VAV2: variants seen among roughly 807,000 people sequenced by gnomAD.
VAV2 encodes the protein vav guanine nucleotide exchange factor 2, also known as guanine nucleotide exchange factor VAV2.
A neutral mutation model predicts 132.5 loss-of-function variants in VAV2; 67 were observed. The ratio of observed to expected loss-of-function variants is 0.51; its 90% confidence interval spans 0.42 to 0.62. VAV2 has a LOEUF of 0.62. VAV2 is among the 20% of genes least tolerant of loss of function. The pLI is 0.00. For synonymous variants in VAV2, 492 were observed against 443.5 expected, an observed-to-expected ratio of 1.11 and a Z score of -1.37; for missense variants, 938 against 1,153.6, an observed-to-expected ratio of 0.81 and a Z score of 2.71.
At chr9:133,868,698 G>C (rs1199503974) in intron 2 of VAV2, among the ~76,000 whole-genome samples, 1 of 152,232 alleles carries the variant, frequency 6.6e-6, no homozygotes, top group East Asian at 1.9e-4. Flanking sequence ...AACCCCTGAA[G>C]GGTCCCGCCA....
chr9:133,895,092 C>G (rs981163732), intron 2 of VAV2, among the ~76,000 whole-genome samples: 1 of 151,848 alleles, frequency 6.6e-6, no homozygotes, highest in Non-Finnish European at 1.5e-5. Context: ...GCCGAGGCAC[C>G]GAGGGCCGCC....
At chr9:133,922,351 G>A (rs1196287275) in intron 2 of VAV2, among the ~76,000 whole-genome samples, 2 of 152,244 alleles carry the variant, frequency 1.3e-5, no homozygotes, top group African/African-American at 4.8e-5. Flanking sequence ...CAAGGGGCCT[G>A]GTGATGATGA....
intron 1 of VAV2, among the ~76,000 whole-genome samples, chr9:133,981,599 G>A (rs1035133674): frequency 2.6e-5 from 4 of 152,230 alleles, no homozygotes; most frequent in Non-Finnish European, 4.4e-5. Flanking sequence ...CTGGGCGCCA[G>A]ACACACACTT....
intron 2 of VAV2, among the ~76,000 whole-genome samples, chr9:133,938,482 G>T (rs1564481688): frequency 1.5e-5 from 2 of 137,256 alleles, no homozygotes; most frequent in Admixed American, 1.5e-4. Context: ...CAGCCTCAGG[G>T]TCCCCTCATG....
rs1843050589 is a variant in VAV2 at position 133,992,250 on chromosome 9, C to T, written c.29G>A (p.Trp10Ter). 12 of 1,575,376 alleles carry T rather than the reference C, an allele frequency of 7.6e-6. No individual in the cohort carries two copies. The highest frequency in any genetic ancestry group is 1.0e-5 in the Non-Finnish European group (12 of 1,161,836). MEQWRQCGR[W>*]LIDCKVLPPN... ...CGGCAGGACCTTGCAATCGATGAGC[C>T]AGCGGCCGCACTGCCGCCACTGCTC... Residue 10 changes from tryptophan to a stop codon, truncating the protein, a stop_gained, in exon 1 of 30, where the codon TGG (tryptophan) becomes TAG (stop). Coordinates refer to ENST00000371850, the MANE Select transcript of VAV2 (RefSeq NM_001134398.2). LOFTEE classifies it high-confidence loss of function. This position sits in a 1 kb window ranked among gnomAD's most constrained non-coding sequence, Gnocchi z 5.5.
chr9:133,928,958 T>C lies in VAV2; in HGVS notation c.321+10145A>G, dbSNP rs1588384249. Among the ~76,000 whole-genome samples the C allele has an allele frequency of 6.6e-6, 1 of 152,042 alleles. No individual in the cohort carries two copies. Among genetic ancestry groups the C allele is most frequent in the Non-Finnish European group, 1.5e-5 (1 of 68,028 alleles). ...CACCCACGTGCTCAAACGCGGCTGG[T>C]ACAATCACAGCACCACTCCCAGGAG... On this transcript the variant is annotated intron_variant, in intron 2 of 29. Transcript: ENST00000371850. This position sits in a 1 kb window ranked among gnomAD's most constrained non-coding sequence, Gnocchi z 5.4.
intron 2 of VAV2, among the ~76,000 whole-genome samples, chr9:133,923,992 G>A (rs1024742038): frequency 2.0e-5 from 3 of 152,064 alleles, no homozygotes; most frequent in Admixed American, 2.0e-4. Context: ...AGCCTGTCGG[G>A]GGGTGGGGGA....
chr9:133,896,411 G>A (rs1229117307), intron 2 of VAV2, among the ~76,000 whole-genome samples: 4 of 152,070 alleles, frequency 2.6e-5, no homozygotes, highest in East Asian at 3.8e-4. Context: ...CCAAGATCGC[G>A]CCATTGCACT....
chr9:133,928,620 C>G lies in VAV2; in HGVS notation c.321+10483G>C, dbSNP rs1270593318. 6.6e-6 allele frequency among the ~76,000 whole-genome samples: 1 copy of G among 152,142 alleles called. No homozygotes were observed. Among genetic ancestry groups the G allele is most frequent in the Admixed American group, 6.5e-5 (1 of 15,272 alleles). On this transcript the variant is annotated intron_variant, in intron 2 of 29. Coordinates refer to ENST00000371850, the MANE Select transcript of VAV2 (RefSeq NM_001134398.2). The surrounding 1 kb of genome is among the most constrained non-coding windows in gnomAD (Gnocchi z 5.4). ...CACTCAGCAAATTAATGAACAAATA[C>G]GAAGAGGAAATGAACAAACACATGC...
At chr9:133,868,377 T>C (rs781049427) in intron 2 of VAV2, among the ~76,000 whole-genome samples, 4 of 152,240 alleles carry the variant, frequency 2.6e-5, no homozygotes, top group Non-Finnish European at 5.9e-5. Context: ...GAGCCCAGAC[T>C]GCCCTGGGTT....
rs143081325 is a variant in VAV2 at position 133,766,222 on chromosome 9, G to C, written c.2590-2113C>G. 6.4e-4 allele frequency among the ~76,000 whole-genome samples: 97 copies of C among 152,284 alleles called. 1 individual carries two copies. In the East Asian group the frequency reaches 0.016, roughly 26 times the overall value. On this transcript the variant is annotated intron_variant, in intron 29 of 29. Transcript: ENST00000371850. ...ATGTCAAATGGTATTTCTAGTTCTA[G>C]ATCCCTGAGGAATTCCCACACTGTC... is the stretch of plus-strand genomic sequence containing the variant.
chr9:133,784,294 C>A, intron 18 of VAV2, 23 bp downstream of exon 18: 1 of 1,609,718 alleles, frequency 6.2e-7, no homozygotes, highest in Non-Finnish European at 8.5e-7. Context: ...GAGGTGAGGG[C>A]TGTAGCAGGG....
At chr9:133,910,698 C>T (rs1028326078) in intron 2 of VAV2, among the ~76,000 whole-genome samples, 2 of 151,346 alleles carry the variant, frequency 1.3e-5, no homozygotes, top group Non-Finnish European at 2.9e-5. Flanking sequence ...GTGGCGGGCG[C>T]CTGTAGTCCC....
At chr9:133,936,229 G>A (rs989572870) in intron 2 of VAV2, among the ~76,000 whole-genome samples, 2 of 148,538 alleles carry the variant, frequency 1.3e-5, no homozygotes, top group African/African-American at 5.0e-5. Flanking sequence ...TCCCAAAGGT[G>A]CAGCCATTGC....
chr9:133,895,089 C>CA (rs1347342319), intron 2 of VAV2, among the ~76,000 whole-genome samples: 3 of 152,074 alleles, frequency 2.0e-5, no homozygotes, highest in African/African-American at 7.3e-5. Context: ...CAAGCCGAGG[C>CA]ACCGAGGGCC....
At chr9:133,809,169 C>T (rs1197614913) in intron 6 of VAV2, 31 bp from the exon 7 acceptor site, 2 of 1,599,756 alleles carry the variant, frequency 1.3e-6, no homozygotes, top group Non-Finnish European at 8.6e-7. Context: ...TCAGCAGGAC[C>T]CCATGGGCCC....
chr9:133,810,075 C>T, intron 6 of VAV2, 116 bp downstream of exon 6: 1 of 1,460,750 alleles, frequency 6.8e-7, no homozygotes, highest in Non-Finnish European at 9.4e-7. Context: ...TGTGCCTGAC[C>T]ATGTCTTCCT....
At chr9:133,873,108 G>A (rs1035023398) in intron 2 of VAV2, among the ~76,000 whole-genome samples, 5 of 135,368 alleles carry the variant, frequency 3.7e-5, no homozygotes, top group African/African-American at 2.7e-5. Flanking sequence ...GGGAGGGGGC[G>A]GGGGGGTGGG....
intron 18 of VAV2, 50 bp downstream of exon 18, chr9:133,784,261 GGGGCCT>G: frequency 6.4e-7 from 1 of 1,563,342 alleles, no homozygotes; most frequent in East Asian, 2.2e-5. Flanking sequence ...AGCTCTCTCA[GGGGCCT>G]GGGCTGGGCG....
Sources: allele counts gnomAD v4.1 joint callset (sites outside exome capture counted in the v4.1 genomes callset), GRCh38; gene constraint gnomAD v4.1.1; non-coding constraint Gnocchi (gnomAD v3.1); transcripts MANE v1.5; gene names NCBI Gene and HGNC (gene_info 2026-07-23, HGNC 2026-07-21).